The following MCU variants were observed in gnomAD, a reference collection of about 807,000 sequenced individuals.
MCU encodes the protein calcium uniporter protein, mitochondrial.
In MCU, 12 loss-of-function variants were observed where a neutral mutation model predicts 45.2. That is an observed-to-expected ratio of 0.27 (90% CI 0.17 to 0.43). MCU has a LOEUF of 0.43. Ranked by LOEUF, MCU falls within the 20% of genes least tolerant of loss-of-function variation. MCU has a pLI of 1.00. For synonymous variants in MCU, 160 were observed against 165.1 expected, an observed-to-expected ratio of 0.97 and a Z score of 0.24; for missense variants, 324 against 436.7, an observed-to-expected ratio of 0.74 and a Z score of 2.30.
intron 1 of MCU, among the ~76,000 whole-genome samples, chr10:72,695,800 T>C (rs1416895630): frequency 6.6e-6 from 1 of 151,488 alleles, no homozygotes; most frequent in East Asian, 1.9e-4. Context: ...AATCTTGAAC[T>C]CCTGGGCTCA....
intron 2 of MCU, among the ~76,000 whole-genome samples, chr10:72,847,138 A>C (rs376701556): frequency 1.3e-5 from 2 of 152,216 alleles, no homozygotes; most frequent in South Asian, 2.1e-4. Flanking sequence ...TGCCCAGCTA[A>C]TTTTTTGCAC....
intron 2 of MCU, among the ~76,000 whole-genome samples, chr10:72,838,993 A>ATTTT (rs1363892026): frequency 7.1e-6 from 1 of 141,028 alleles, no homozygotes; most frequent in Non-Finnish European, 1.6e-5. Context: ...CAAATCATCT[A>ATTTT]TTTTTTTTTT....
chr10:72,801,038 A>G (rs887757155), intron 1 of MCU, among the ~76,000 whole-genome samples: 5 of 152,138 alleles, frequency 3.3e-5, no homozygotes, highest in African/African-American at 9.7e-5. Context: ...ACAGTGAGCT[A>G]TGATTGATTG....
chr10:72,748,691 G>A (rs888452314), intron 1 of MCU, among the ~76,000 whole-genome samples: 1 of 151,902 alleles, frequency 6.6e-6, no homozygotes, highest in African/African-American at 2.4e-5. Context: ...AAGGAGTCTG[G>A]TTAATTCATT....
In MCU at chr10:72,859,165, T is replaced by G; in HGVS notation, c.221-12T>G. On this transcript the variant is annotated splice_polypyrimidine_tract_variant and intron_variant, in intron 2 of 7. Coordinates refer to ENST00000373053, the MANE Select transcript of MCU (RefSeq NM_138357.3). Reference sequence around the variant, plus strand: ...TCCAATTATCATATGTTTGTGGGTCTTTTTCATTCAGATGTTACAGTGGTT... The same window carrying G: ...TCCAATTATCATATGTTTGTGGGTCGTTTTCATTCAGATGTTACAGTGGTT... The G allele has an allele frequency of 6.4e-7, 1 of 1,560,680 alleles. No homozygotes were observed. The highest frequency in any genetic ancestry group is 8.7e-7 in the Non-Finnish European group (1 of 1,152,922).
intron 1 of MCU, among the ~76,000 whole-genome samples, chr10:72,695,506 AT>A (rs1219970642): frequency 6.6e-6 from 1 of 152,028 alleles, no homozygotes; most frequent in African/African-American, 2.4e-5. Context: ...ACCTTTATGG[AT>A]TTTTTGTAGC....
chr10:72,834,293 TAC>T, intron 1 of MCU, 64 bp from the exon 2 acceptor site: 1 of 1,160,752 alleles, frequency 8.6e-7, no homozygotes, highest in Non-Finnish European at 1.3e-6. Context: ...ATTTATTATA[TAC>T]ACACACATAA....
At chr10:72,742,018 G>A (rs537490104) in intron 1 of MCU, among the ~76,000 whole-genome samples, 69 of 69,150 alleles carry the variant, frequency 1.0e-3, no homozygotes, top group African/African-American at 3.8e-3. Flanking sequence ...GCAAGACTCC[G>A]TCTCAAAAAA....
intron 6 of MCU, among the ~76,000 whole-genome samples, chr10:72,882,904 C>A (rs981459046): frequency 8.5e-5 from 13 of 152,256 alleles, no homozygotes; most frequent in African/African-American, 2.4e-4. Flanking sequence ...CCCCCGGATG[C>A]CCAGCTTTAA....
At chr10:72,855,807 T>C (rs1845282274) in intron 2 of MCU, among the ~76,000 whole-genome samples, 1 of 152,106 alleles carries the variant, frequency 6.6e-6, no homozygotes, top group Non-Finnish European at 1.5e-5. Context: ...AAGGCAGAGA[T>C]TGTTAGATTG....
chr10:72,802,524 G>C (rs1156429402), intron 1 of MCU, among the ~76,000 whole-genome samples: 2 of 151,798 alleles, frequency 1.3e-5, no homozygotes, highest in Non-Finnish European at 2.9e-5. Flanking sequence ...TGACAAATTT[G>C]TAATTTCATC....
chr10:72,720,089 C>T (rs1843001481), intron 1 of MCU, among the ~76,000 whole-genome samples: 1 of 152,024 alleles, frequency 6.6e-6, no homozygotes, highest in Non-Finnish European at 1.5e-5. Flanking sequence ...GGTTGCCCAG[C>T]TGGTCTTGCA....
chr10:72,713,613 G>A (rs758040843), intron 1 of MCU, among the ~76,000 whole-genome samples: 1 of 152,156 alleles, frequency 6.6e-6, no homozygotes, highest in Admixed American at 6.5e-5. Context: ...GAAAAGTATA[G>A]GTATGGGGAG....
At chr10:72,693,878 CCATATTT>C (rs1210489999) in intron 1 of MCU, among the ~76,000 whole-genome samples, 1 of 152,208 alleles carries the variant, frequency 6.6e-6, no homozygotes, top group Non-Finnish European at 1.5e-5. Flanking sequence ...GTCCTTAAGT[CCATATTT>C]TGATAAGACA....
intron 2 of MCU, among the ~76,000 whole-genome samples, chr10:72,845,755 T>C (rs1167875153): frequency 6.6e-6 from 1 of 152,224 alleles, no homozygotes; most frequent in Middle Eastern, 3.2e-3. Flanking sequence ...CGTTAAGCAA[T>C]GTATTCATAG....
intron 1 of MCU, among the ~76,000 whole-genome samples, chr10:72,787,726 G>GT (rs1271048954): frequency 9.8e-4 from 143 of 145,804 alleles, no homozygotes; most frequent in South Asian, 2.4e-3. Context: ...TTTGTTTTTT[G>GT]TTTTTTTTTT....
intron 4 of MCU, among the ~76,000 whole-genome samples, chr10:72,866,893 A>G (rs1195824932): frequency 1.3e-5 from 2 of 151,786 alleles, no homozygotes; most frequent in Non-Finnish European, 2.9e-5. Context: ...AGCCTCCTAG[A>G]GTGCAGTTTC....
chr10:72,857,133 G>C (rs1032568357), intron 2 of MCU, among the ~76,000 whole-genome samples: 75 of 152,038 alleles, frequency 4.9e-4, no homozygotes, highest in African/African-American at 1.7e-3. Context: ...CTTCAAAGAA[G>C]CTAGTAAGGA....
intron 1 of MCU, among the ~76,000 whole-genome samples, chr10:72,746,772 T>G (rs1843420435): frequency 6.6e-6 from 1 of 152,084 alleles, no homozygotes; most frequent in South Asian, 2.1e-4. Context: ...AGAAAAAAAA[T>G]AACTTATTTG....
Sources: gnomAD v4.1 joint callset for allele counts (sites outside exome capture counted in the v4.1 genomes callset) on GRCh38, gnomAD v4.1.1 for gene constraint, MANE v1.5 for transcripts, NCBI Gene and HGNC (gene_info 2026-07-23, HGNC 2026-07-21) for gene names.